The following TTC7B variants were observed in gnomAD, a reference collection of about 807,000 sequenced individuals.
TTC7B encodes tetratricopeptide repeat domain 7B.
Under a neutral mutation model 106.8 loss-of-function variants are expected in TTC7B, and 28 were observed. The observed-to-expected ratio is 0.26, with a 90% CI of 0.19 to 0.36. TTC7B has a LOEUF of 0.36. Among genes scored for constraint, TTC7B ranks in the 10% least tolerant of loss-of-function variants. TTC7B has a pLI of 1.00. For missense variants in TTC7B, 862 were observed against 1,076.4 expected (o/e 0.80, Z 2.79); for synonymous variants, 405 against 430.6 (o/e 0.94, Z 0.74).
intron 4 of TTC7B, among the ~76,000 whole-genome samples, chr14:90,733,577 T>C (rs535641680): frequency 3.9e-5 from 6 of 152,322 alleles, no homozygotes; most frequent in Middle Eastern, 6.8e-3. Flanking sequence ...GGCAGAAGCA[T>C]TGTTTGGCAG....
chr14:90,693,275 A>G lies in TTC7B; in HGVS notation c.777+2225T>C, dbSNP rs141410059. On this transcript the variant is annotated intron_variant, in intron 6 of 19. Transcript: ENST00000328459. ...GCTATGGCTGTGTAGGGCAAGTTAT[A>G]GAGGTCTACCTAATGAACGTCCCTA... Among the ~76,000 whole-genome samples the G allele has an allele frequency of 8.5e-5, 13 of 152,294 alleles. No individual in the cohort carries two copies. The East Asian group carries it at 2.5e-3, about 29-fold the overall frequency.
At chr14:90,718,900 A>C (rs1026373936) in intron 5 of TTC7B, among the ~76,000 whole-genome samples, 1 of 151,694 alleles carries the variant, frequency 6.6e-6, no homozygotes, top group Non-Finnish European at 1.5e-5. Flanking sequence ...AACTGTAAAC[A>C]AATTAAATAA....
intron 9 of TTC7B, 57 bp downstream of exon 9, chr14:90,676,466 G>T (rs1480852738): frequency 1.9e-6 from 3 of 1,593,640 alleles, no homozygotes; most frequent in African/African-American, 2.7e-5. Flanking sequence ...GCTTCCCTGG[G>T]GTCACCGTGC....
Position 90,759,420 on chromosome 14 carries a change from C to A in TTC7B, c.446-14498G>T, listed in dbSNP as rs757488820. ...CGAGTCTGGCCTAGGTGATGTCTTA[C>A]AACCTTACTAGCTTTGTAGCAGTCT... On this transcript the variant is annotated intron_variant, in intron 3 of 19. Coordinates refer to ENST00000328459, the MANE Select transcript of TTC7B (RefSeq NM_001010854.2). The surrounding 1 kb of genome is among the most constrained non-coding windows in gnomAD (Gnocchi z 4.1). Among the ~76,000 whole-genome samples the A allele has an allele frequency of 2.6e-5, 4 of 152,198 alleles. No individual in the cohort carries two copies. Among genetic ancestry groups the A allele is most frequent in the Admixed American group, 2.0e-4 (3 of 15,286 alleles).
At chr14:90,749,202 AAGTGCTTGG>A (rs1890060061) in intron 3 of TTC7B, among the ~76,000 whole-genome samples, 1 of 152,112 alleles carries the variant, frequency 6.6e-6, no homozygotes, top group Non-Finnish European at 1.5e-5. Flanking sequence ...TTAGATTATG[AAGTGCTTGG>A]GCTTTGTTGA....
chr14:90,561,083 G>C (rs945469280), intron 19 of TTC7B, among the ~76,000 whole-genome samples: 1 of 152,220 alleles, frequency 6.6e-6, no homozygotes, highest in African/African-American at 2.4e-5. Context: ...CTTTGGTTCT[G>C]GCCCCATGCA....
chr14:90,584,438 C>T (rs1891633213), intron 18 of TTC7B, among the ~76,000 whole-genome samples: 1 of 152,244 alleles, frequency 6.6e-6, no homozygotes, highest in African/African-American at 2.4e-5. Context: ...GGCTGACAAC[C>T]AGCCTGGGCC....
At position 90,631,627 on chromosome 14, in the gene TTC7B, C is replaced by T. The variant is rs148325777; in HGVS notation, c.1751+12421G>A. Reference sequence around the variant, plus strand: ...TTCACTTTGTTGGCCAAGCTGGTCTCGAACTCCTGACTTTGTGATCTGCCC... The same window carrying T: ...TTCACTTTGTTGGCCAAGCTGGTCTTGAACTCCTGACTTTGTGATCTGCCC... On this transcript the variant is annotated intron_variant, in intron 15 of 19. Transcript: ENST00000328459. Among the ~76,000 whole-genome samples the T allele has an allele frequency of 1.2e-3, 177 of 152,048 alleles. 5 individuals are homozygous for T. In the East Asian group the frequency reaches 0.026, roughly 22 times the overall value.
At chr14:90,811,506 G>A (rs1171422591) in intron 1 of TTC7B, among the ~76,000 whole-genome samples, 11 of 152,212 alleles carry the variant, frequency 7.2e-5, no homozygotes, top group Admixed American at 7.2e-4. Flanking sequence ...ACAGGAGGGT[G>A]TGCATGACCA....
At chr14:90,605,105 T>G (rs1465749683) in intron 17 of TTC7B, among the ~76,000 whole-genome samples, 4 of 152,172 alleles carry the variant, frequency 2.6e-5, no homozygotes, top group African/African-American at 9.7e-5. Flanking sequence ...GATCCGCTGC[T>G]TTAAAGGTTT....
chr14:90,809,115 G>A (rs372563098), intron 1 of TTC7B, among the ~76,000 whole-genome samples: 2 of 152,164 alleles, frequency 1.3e-5, no homozygotes, highest in East Asian at 1.9e-4. Context: ...TCTCTGCACC[G>A]CCACCCTCCT....
intron 3 of TTC7B, among the ~76,000 whole-genome samples, chr14:90,762,484 A>G (rs1209625963): frequency 6.6e-6 from 1 of 152,220 alleles, no homozygotes; most frequent in African/African-American, 2.4e-5. Context: ...ACTCTGTGCC[A>G]GAAAGATCTT....
chr14:90,573,734 C>T (rs187635174), intron 19 of TTC7B, among the ~76,000 whole-genome samples: 69 of 152,364 alleles, frequency 4.5e-4, no homozygotes, highest in Non-Finnish European at 6.8e-4. Context: ...CTGTCCACTC[C>T]GCCAAGCCCT....
intron 15 of TTC7B, among the ~76,000 whole-genome samples, chr14:90,637,532 C>A (rs1387263335): frequency 6.6e-6 from 1 of 152,008 alleles, no homozygotes; most frequent in African/African-American, 2.4e-5. Flanking sequence ...GCTGGGCTGA[C>A]CTTGATGCCA....
At chr14:90,602,427 C>A (rs190685089) in intron 17 of TTC7B, among the ~76,000 whole-genome samples, 1 of 152,190 alleles carries the variant, frequency 6.6e-6, no homozygotes, top group African/African-American at 2.4e-5. Flanking sequence ...TTAGGCTGGG[C>A]GTGATGGCTC....
rs528834903 is a variant in TTC7B, at chr14:90,660,840, A to G, written c.1153-2453T>C. Among the ~76,000 whole-genome samples, 3 of 152,260 alleles carry G rather than the reference A, an allele frequency of 2.0e-5. No homozygotes were observed. In the South Asian group the frequency reaches 6.2e-4, roughly 31 times the overall value. On this transcript the variant is annotated intron_variant, in intron 9 of 19. Coordinates refer to ENST00000328459, the MANE Select transcript of TTC7B (RefSeq NM_001010854.2). ...ACAAAAACATATTCTATTTAAAAGC[A>G]AAGTAATAAGCATTAACAAGCACCT...
intron 1 of TTC7B, among the ~76,000 whole-genome samples, chr14:90,809,490 C>T (rs1023128647): frequency 3.3e-5 from 5 of 152,230 alleles, no homozygotes; most frequent in African/African-American, 7.2e-5. Context: ...TGGAAGACAG[C>T]GGTGGAGAAT....
chr14:90,705,422 G>A (rs1211472800), intron 5 of TTC7B, among the ~76,000 whole-genome samples: 7 of 152,154 alleles, frequency 4.6e-5, no homozygotes, highest in African/African-American at 1.2e-4. Context: ...TGGCCCAACA[G>A]CTCTAGGAGG....
intron 19 of TTC7B, among the ~76,000 whole-genome samples, chr14:90,574,218 G>A (rs1423180878): frequency 6.6e-6 from 1 of 152,200 alleles, no homozygotes; most frequent in South Asian, 2.1e-4. Context: ...GGAGCTAAAG[G>A]CTTTTTAACA....
Sources: gnomAD v4.1 joint callset for allele counts (sites outside exome capture counted in the v4.1 genomes callset) on GRCh38, gnomAD v4.1.1 for gene constraint, Gnocchi (gnomAD v3.1) non-coding constraint, MANE v1.5 for transcripts, NCBI Gene and HGNC (gene_info 2026-07-23, HGNC 2026-07-21) for gene names.